Variants in NAALADL2 observed in about 807,000 individuals in gnomAD.
NAALADL2 encodes the protein N-acetylated alpha-linked acidic dipeptidase like 2.
NAALADL2 carries 76 observed loss-of-function variants against 87.2 expected under a neutral mutation model. That is an observed-to-expected ratio of 0.87 (90% CI 0.72 to 1.05). The LOEUF (loss-of-function observed/expected upper bound fraction) is 1.05, where lower values mean the gene tolerates loss of function less well. Among genes scored for constraint, NAALADL2 ranks in the 50% least tolerant of loss-of-function variants. The probability of loss-of-function intolerance (pLI) is 0.00; values close to 1 mark genes in which losing one functional copy is unlikely to be tolerated. For synonymous variants in NAALADL2, 354 were observed against 331.0 expected (o/e 1.07, Z -0.75); for missense variants, 1,089 against 945.8 (o/e 1.15, Z -1.99).
At chr3:175,574,283 G>A (rs1214234762) in intron 9 of NAALADL2, among the ~76,000 whole-genome samples, 2 of 152,168 alleles carry the variant, frequency 1.3e-5, no homozygotes, top group African/African-American at 4.8e-5. Context: ...TTTAGTAGAA[G>A]TGAAAGTGTA....
intron 4 of NAALADL2, among the ~76,000 whole-genome samples, chr3:175,291,995 T>C (rs1437027350): frequency 6.6e-6 from 1 of 152,236 alleles, no homozygotes; most frequent in Non-Finnish European, 1.5e-5. Context: ...GTCTCCAAAA[T>C]AGTTTATATG....
At chr3:175,044,482 G>T (rs914689908) in intron 1 of NAALADL2, among the ~76,000 whole-genome samples, 1 of 152,032 alleles carries the variant, frequency 6.6e-6, no homozygotes, top group Non-Finnish European at 1.5e-5. Context: ...CTCGTGTATT[G>T]CAAGGGGAAT....
chr3:174,626,183 AT>A (rs1721558762), intron 2 of NAALADL2, among the ~76,000 whole-genome samples: 1 of 151,020 alleles, frequency 6.6e-6, no homozygotes, highest in African/African-American at 2.4e-5. Context: ...CTTTGAAAAG[AT>A]TTAGTAATGA....
At chr3:175,786,942 C>T (rs1266328460) in intron 13 of NAALADL2, among the ~76,000 whole-genome samples, 2 of 152,102 alleles carry the variant, frequency 1.3e-5, no homozygotes, top group Non-Finnish European at 2.9e-5. Flanking sequence ...ACAGGACCCT[C>T]AGCTGCAGGT....
intron 2 of NAALADL2, among the ~76,000 whole-genome samples, chr3:174,624,757 T>C (rs1412671339): frequency 6.6e-6 from 1 of 152,228 alleles, no homozygotes; most frequent in Non-Finnish European, 1.5e-5. Context: ...TTTTCATTTG[T>C]AACTTTGAAA....
At chr3:175,635,537 T>A (rs1273158852) in intron 11 of NAALADL2, among the ~76,000 whole-genome samples, 1 of 152,136 alleles carries the variant, frequency 6.6e-6, no homozygotes, top group African/African-American at 2.4e-5. Context: ...AGTGTGACAA[T>A]TTTTTAAGGG....
chr3:174,574,280 C>G (rs1715278735), intron 2 of NAALADL2, among the ~76,000 whole-genome samples: 1 of 151,962 alleles, frequency 6.6e-6, no homozygotes, highest in Admixed American at 6.6e-5. Context: ...TTACTACTTT[C>G]ATAATGTGTG....
intron 11 of NAALADL2, among the ~76,000 whole-genome samples, chr3:175,705,134 T>A (rs1322796337): frequency 2.6e-5 from 4 of 152,012 alleles, no homozygotes; most frequent in Admixed American, 6.6e-5. Context: ...GTAGGAGAGA[T>A]GGCTGGAAAG....
intron 1 of NAALADL2, among the ~76,000 whole-genome samples, chr3:174,875,240 C>T (rs1728359505): frequency 1.3e-5 from 2 of 149,988 alleles, no homozygotes; most frequent in African/African-American, 2.4e-5. Context: ...GGATTTCTGA[C>T]TTATTTTACA....
intron 5 of NAALADL2, among the ~76,000 whole-genome samples, chr3:175,354,168 A>T (rs1764091918): frequency 6.6e-6 from 1 of 152,222 alleles, no homozygotes; most frequent in Non-Finnish European, 1.5e-5. Flanking sequence ...TTATCAAACA[A>T]GAAGAGCAGT....
chr3:175,351,568 T>C (rs1332171258), intron 5 of NAALADL2, among the ~76,000 whole-genome samples: 1 of 152,062 alleles, frequency 6.6e-6, no homozygotes, highest in Non-Finnish European at 1.5e-5. Context: ...GACAGTTGAA[T>C]GTAAGGTATG....
intron 5 of NAALADL2, among the ~76,000 whole-genome samples, chr3:175,410,470 C>T (rs371468949): frequency 6.6e-6 from 1 of 152,108 alleles, no homozygotes; most frequent in East Asian, 1.9e-4. Flanking sequence ...TCTTCTCTTA[C>T]ACTCACCTAC....
chr3:175,156,600 A>G (rs189778173), intron 2 of NAALADL2, among the ~76,000 whole-genome samples: 267 of 152,252 alleles, frequency 1.8e-3, no homozygotes, highest in Admixed American at 5.2e-3. Flanking sequence ...ACATTTAATG[A>G]TGAAATACTG....
intron 4 of NAALADL2, among the ~76,000 whole-genome samples, chr3:175,278,925 T>A (rs73045275): frequency 6.6e-6 from 1 of 152,232 alleles, no homozygotes; most frequent in African/African-American, 2.4e-5. Context: ...CATCTTACAA[T>A]GCAACTTCCC....
At chr3:175,444,403 T>C (rs550468367) in intron 5 of NAALADL2, among the ~76,000 whole-genome samples, 1 of 152,308 alleles carries the variant, frequency 6.6e-6, no homozygotes, top group East Asian at 1.9e-4. Flanking sequence ...AAGTGCAGCC[T>C]GGAGCAGTAG....
intron 2 of NAALADL2, among the ~76,000 whole-genome samples, chr3:174,637,753 T>C (rs1454673982): frequency 6.6e-6 from 1 of 152,130 alleles, no homozygotes; most frequent in Non-Finnish European, 1.5e-5. Flanking sequence ...GGTACATTTA[T>C]TTTGATCCAA....
At chr3:175,292,215 A>G (rs1308200912) in intron 4 of NAALADL2, among the ~76,000 whole-genome samples, 2 of 152,210 alleles carry the variant, frequency 1.3e-5, no homozygotes, top group East Asian at 1.9e-4. Context: ...AAATTCTTAC[A>G]TGAATTTAAA....
At position 175,415,610 on chromosome 3, in the gene NAALADL2, A is replaced by G. The variant is rs185590158; in HGVS notation, c.1091-31619A>G. On this transcript the variant is annotated intron_variant, in intron 5 of 13. Transcript: ENST00000454872. ...ACATGCATAAGATACAAACTCATACAGTAATACTCAGCCTTGAAATAATCT... is the reference window on the plus strand; with the variant it reads ...ACATGCATAAGATACAAACTCATACGGTAATACTCAGCCTTGAAATAATCT... Among the ~76,000 whole-genome samples, 167 of 152,274 alleles carry G rather than the reference A, an allele frequency of 1.1e-3. 1 individual carries two copies. The highest frequency in any genetic ancestry group is 2.0e-3 in the Admixed American group (31 of 15,280).
intron 1 of NAALADL2, among the ~76,000 whole-genome samples, chr3:174,453,140 T>A (rs1715597149): frequency 6.6e-6 from 1 of 152,116 alleles, no homozygotes; most frequent in African/African-American, 2.4e-5. Flanking sequence ...TGTAATGCAA[T>A]CACAAGTATT....
Sources: allele counts gnomAD v4.1 joint callset (sites outside exome capture counted in the v4.1 genomes callset), GRCh38; gene constraint gnomAD v4.1.1; transcripts MANE v1.5; gene names NCBI Gene and HGNC (gene_info 2026-07-23, HGNC 2026-07-21).